The following MAP2K4 variants were observed in gnomAD, a reference collection of about 807,000 sequenced individuals.
The protein encoded by MAP2K4 is mitogen-activated protein kinase kinase 4.
In MAP2K4, 4 loss-of-function variants were observed where a neutral mutation model predicts 48.5. The ratio of observed to expected loss-of-function variants is 0.08; its 90% CI spans 0.04 to 0.19. The LOEUF (loss-of-function observed/expected upper bound fraction) is 0.19. Among genes scored for constraint, MAP2K4 ranks in the 10% least tolerant of loss-of-function variants. The probability of loss-of-function intolerance (pLI) is 1.00; values close to 1 mark genes in which losing one functional copy is unlikely to be tolerated. For synonymous variants in MAP2K4, 166 were observed against 173.1 expected, an observed-to-expected ratio of 0.96 and a Z score of 0.32; for missense variants, 258 against 493.3, an observed-to-expected ratio of 0.52 and a Z score of 4.52.
At chr17:12,125,795 T>C (rs1251420759) in intron 8 of MAP2K4, among the ~76,000 whole-genome samples, 3 of 152,222 alleles carry the variant, frequency 2.0e-5, no homozygotes, top group Admixed American at 2.0e-4. Context: ...TATTTTTATA[T>C]GTGGAAAATA....
intron 4 of MAP2K4, among the ~76,000 whole-genome samples, chr17:12,101,254 AT>A (rs920766031): frequency 4.0e-5 from 6 of 151,006 alleles, no homozygotes; most frequent in East Asian, 1.9e-4. Context: ...TATATTGATG[AT>A]TTTTTTTTGC....
chr17:12,134,751 A>C lies in MAP2K4; in HGVS notation c.1041-5088A>C, dbSNP rs369652680. 1.2e-4 allele frequency among the ~76,000 whole-genome samples: 19 copies of C among 152,352 alleles called. No individual in the cohort carries two copies. The East Asian group carries it at 3.5e-3, about 28-fold the overall frequency. On this transcript the variant is annotated intron_variant, in intron 9 of 10. Transcript: ENST00000353533. ...AAGTTTTCAATTAAAACACATGCAC[A>C]CAAATGTACACAAAACACCAAGTCA...
At chr17:12,127,588 G>C (rs1190520467) in intron 8 of MAP2K4, among the ~76,000 whole-genome samples, 2 of 152,086 alleles carry the variant, frequency 1.3e-5, no homozygotes, top group African/African-American at 4.8e-5. Flanking sequence ...TTTTCATAGG[G>C]ACAGTCTTAT....
At chr17:12,114,897 C>T (rs1204048535) in intron 7 of MAP2K4, among the ~76,000 whole-genome samples, 3 of 152,164 alleles carry the variant, frequency 2.0e-5, no homozygotes, top group Admixed American at 6.5e-5. Context: ...TCTTGCTGAC[C>T]TTCATCTGTG....
rs1223443003 is a variant in MAP2K4, at chr17:12,058,655, G to GT, written c.218+3668dup. ...AACAGTTAATAGCATGGCCAATGTT[G>GT]TTTTATCTTTTCCTTCAACCCCTTA... is the stretch of plus-strand genomic sequence containing the variant. On this transcript the variant is annotated intron_variant, in intron 2 of 10. Coordinates refer to ENST00000353533, the MANE Select transcript of MAP2K4 (RefSeq NM_003010.4). 3.3e-5 allele frequency among the ~76,000 whole-genome samples: 5 copies of GT among 152,234 alleles called. No homozygotes were observed. The East Asian group carries it at 5.8e-4, about 18-fold the overall frequency.
At chr17:12,065,637 T>G (rs1970591662) in intron 2 of MAP2K4, among the ~76,000 whole-genome samples, 1 of 152,184 alleles carries the variant, frequency 6.6e-6, no homozygotes, top group South Asian at 2.1e-4. Flanking sequence ...GGTTTCGCCA[T>G]GTTGGCCAGG....
chr17:12,101,672 C>T (rs1971941884), intron 4 of MAP2K4, among the ~76,000 whole-genome samples: 1 of 152,036 alleles, frequency 6.6e-6, no homozygotes, highest in Non-Finnish European at 1.5e-5. Flanking sequence ...TGGCATCTCA[C>T]TTTATTATTT....
intron 3 of MAP2K4, among the ~76,000 whole-genome samples, chr17:12,092,807 A>G (rs1036330200): frequency 7.9e-5 from 12 of 152,190 alleles, no homozygotes; most frequent in African/African-American, 2.9e-4. Context: ...CAGGCGGATC[A>G]CGAGGTCAGG....
At chr17:12,061,908 A>ATTATCTACAACT (rs1213871892) in intron 2 of MAP2K4, among the ~76,000 whole-genome samples, 8 of 151,944 alleles carry the variant, frequency 5.3e-5, no homozygotes, top group African/African-American at 1.7e-4. Context: ...TTTTTTTTAA[A>ATTATCTACAACT]TTATCTACAA....
chr17:12,052,697 A>C (rs887461112), intron 1 of MAP2K4, among the ~76,000 whole-genome samples: 1 of 152,218 alleles, frequency 6.6e-6, no homozygotes, highest in Non-Finnish European at 1.5e-5. Context: ...CACAGACTAC[A>C]TGACATATGC....
At chr17:12,029,903 A>G (rs1255188681) in intron 1 of MAP2K4, among the ~76,000 whole-genome samples, 1 of 152,018 alleles carries the variant, frequency 6.6e-6, no homozygotes, top group East Asian at 1.9e-4. Flanking sequence ...GAGCGACAGC[A>G]AGACCCTGTC....
chr17:12,129,319 G>A (rs11658092), intron 9 of MAP2K4, 32 bp downstream of exon 9: 11 of 1,613,640 alleles, frequency 6.8e-6, no homozygotes, highest in African/African-American at 4.0e-5. Context: ...GGTCGAACAC[G>A]CATGGCGAGA....
At chr17:12,074,720 T>C (rs879637419) in intron 2 of MAP2K4, among the ~76,000 whole-genome samples, 5 of 152,200 alleles carry the variant, frequency 3.3e-5, no homozygotes, top group Non-Finnish European at 7.4e-5. Flanking sequence ...ATGTGAACTT[T>C]GGCTACCTTG....
chr17:12,116,026 G>A (rs531035283), intron 7 of MAP2K4: 33 of 366,928 alleles, frequency 9.0e-5, no homozygotes, highest in South Asian at 6.8e-4. Context: ...CCAAATGACC[G>A]CACTGTTACA....
chr17:12,109,377 G>A (rs1408068455), intron 5 of MAP2K4, among the ~76,000 whole-genome samples: 1 of 152,144 alleles, frequency 6.6e-6, no homozygotes, highest in Non-Finnish European at 1.5e-5. Flanking sequence ...AAAATACTTT[G>A]TATTTAGTCT....
intron 2 of MAP2K4, among the ~76,000 whole-genome samples, chr17:12,066,170 A>C (rs1970612023): frequency 6.6e-6 from 1 of 151,790 alleles, no homozygotes; most frequent in African/African-American, 2.4e-5. Flanking sequence ...AAGTATAAAG[A>C]AGAAAGCCAA....
rs1290976146 is a variant in MAP2K4, at chr17:12,081,406, C to A, written c.269C>A (p.Ser90Tyr). The part of the protein sequence containing the change: ...SIESSGKLKI[S>Y]PEQHWDFTAE... ...GAGTCATCAGGAAAACTGAAGATCT[C>A]CCCTGAACAACACTGGGATTTCACT... Residue 90 changes from serine (S) to tyrosine (Y), a missense_variant, in exon 3 of 11, where the codon TCC (serine) becomes TAC (tyrosine). Ser to Tyr is a moderately radical substitution (Grantham distance 144). Coordinates refer to ENST00000353533, the MANE Select transcript of MAP2K4 (RefSeq NM_003010.4). This position sits in a 1 kb window ranked among gnomAD's most constrained non-coding sequence, Gnocchi z 4.2. The A allele has an allele frequency of 6.2e-7, 1 of 1,613,890 alleles. No homozygotes were observed. Among genetic ancestry groups the A allele is most frequent in the African/African-American group, 1.3e-5 (1 of 74,920 alleles).
intron 6 of MAP2K4, among the ~76,000 whole-genome samples, chr17:12,111,101 C>G (rs1213184586): frequency 6.6e-6 from 1 of 152,100 alleles, no homozygotes; most frequent in Non-Finnish European, 1.5e-5. Context: ...AGGAAACACA[C>G]CGAATCACTA....
chr17:12,033,594 A>G (rs1407128512), intron 1 of MAP2K4, among the ~76,000 whole-genome samples: 1 of 152,180 alleles, frequency 6.6e-6, no homozygotes, highest in Middle Eastern at 3.2e-3. Context: ...ACTAAAAGTA[A>G]TATATGATTT....
Sources: gnomAD v4.1 joint callset for allele counts (sites outside exome capture counted in the v4.1 genomes callset) on GRCh38, gnomAD v4.1.1 for gene constraint, Gnocchi (gnomAD v3.1) non-coding constraint, MANE v1.5 for transcripts, NCBI Gene and HGNC (gene_info 2026-07-23, HGNC 2026-07-21) for gene names.